The following NSD2 variants were observed in gnomAD, a reference collection of about 807,000 sequenced individuals.
NSD2 encodes the protein nuclear receptor binding SET domain protein 2.
In NSD2, 12 loss-of-function variants were observed where a neutral mutation model predicts 139.0. That is an observed-to-expected ratio of 0.09 (90% CI 0.06 to 0.14). NSD2 has a LOEUF of 0.14. NSD2 is among the 10% of genes least tolerant of loss of function. The pLI is 1.00. For missense variants in NSD2, 1,155 were observed against 1,745.0 expected, an observed-to-expected ratio of 0.66 and a Z score of 6.02; for synonymous variants, 669 against 648.7, an observed-to-expected ratio of 1.03 and a Z score of -0.48.
In NSD2 at chr4:1,879,825, TGTG is replaced by T. The variant is rs1467361421; in HGVS notation, c.-30+8284_-30+8286del. ...TTGCAGACCCTGGGCCCATGGCACT[TGTG>T]TGTGTGTGTGTGTGTGTGTGTGTGT... On this transcript the variant is annotated intron_variant, in intron 1 of 21. Transcript: ENST00000508803. Among the ~76,000 whole-genome samples the T allele has an allele frequency of 5.9e-5, 5 of 85,418 alleles. No individual in the cohort carries two copies. The East Asian group carries it at 8.5e-4, about 15-fold the overall frequency. 56.0% of individuals were successfully genotyped at this position (85,418 alleles called of 152,430 possible). A position where few individuals can be genotyped will look rare whatever the true frequency, so the allele number is the denominator to read the frequency against.
chr4:1,980,804 G>A lies in NSD2; in HGVS notation c.*1895G>A. The A allele has an allele frequency of 4.3e-6, 1 of 233,314 alleles. No homozygotes were observed. Among genetic ancestry groups the A allele is most frequent in the East Asian group, 6.0e-5 (1 of 16,592 alleles). 14.5% of individuals were successfully genotyped at this position (233,314 alleles called of 1,614,324 possible). A position where few individuals can be genotyped will look rare whatever the true frequency, so the allele number is the denominator to read the frequency against. On this transcript the variant is annotated 3_prime_UTR_variant, in exon 22 of 22. Coordinates refer to ENST00000508803, the MANE Select transcript of NSD2 (RefSeq NM_001042424.3). Reference sequence around the variant, plus strand: ...GGGCACTCGCCGGTTAAGACAGGGTGGGAGTAGTGCTTTCCAGTTCAGACT... The same window carrying A: ...GGGCACTCGCCGGTTAAGACAGGGTAGGAGTAGTGCTTTCCAGTTCAGACT...
At chr4:1,940,847 C>G (rs1338704662) in intron 9 of NSD2, 1 of 1,057,182 alleles carries the variant, frequency 9.5e-7, no homozygotes, top group East Asian at 5.2e-5. Context: ...GGTCAGGGAC[C>G]TAGGCAACCT....
chr4:1,900,602 T>G (rs1717020658), intron 1 of NSD2, 24 bp from the exon 2 acceptor site: 14 of 1,452,702 alleles, frequency 9.6e-6, no homozygotes, highest in Non-Finnish European at 1.2e-5. Context: ...TTTTCTTTCT[T>G]TTTTCTTTTT....
At chr4:1,918,019 G>A (rs1719631859) in intron 4 of NSD2, 122 bp from the exon 5 acceptor site, 1 of 1,214,192 alleles carries the variant, frequency 8.2e-7, no homozygotes, top group Admixed American at 2.7e-5. Context: ...GGCCTCAAGT[G>A]ATCCATCTGC....
intron 18 of NSD2, among the ~76,000 whole-genome samples, chr4:1,964,121 C>T (rs1279200809): frequency 6.6e-6 from 1 of 152,140 alleles, no homozygotes; most frequent in Non-Finnish European, 1.5e-5. Flanking sequence ...CCTGAGGTAA[C>T]AAGACTACAT....
chr4:1,958,919 CTG>C lies in NSD2; in HGVS notation c.2986-550_2986-549del, dbSNP rs1157537521. 6.6e-6 allele frequency among the ~76,000 whole-genome samples: 1 copy of C among 152,230 alleles called. No homozygotes were observed. The highest frequency in any genetic ancestry group is 2.4e-5 in the African/African-American group (1 of 41,454). On this transcript the variant is annotated intron_variant, in intron 16 of 21. Transcript: ENST00000508803. This position sits in a 1 kb window ranked among gnomAD's most constrained non-coding sequence, Gnocchi z 4.6. ...CATTTCTACCCCAGCTGATTTTCAG[CTG>C]TCTCTACTGCTTTGTTATTTGGTTG... is the stretch of plus-strand genomic sequence containing the variant.
rs1345015615 is a variant in NSD2 at position 1,959,479 on chromosome 4, G to A, written c.2994G>A (p.Lys998=). 12 of 1,549,328 alleles carry A rather than the reference G, an allele frequency of 7.7e-6. No individual in the cohort carries two copies. Among genetic ancestry groups the A allele is most frequent in the Non-Finnish European group, 1.0e-5 (12 of 1,150,776 alleles). Residue 998 remains lysine, a synonymous_variant, in exon 17 of 22, where the codon AAG becomes AAA. Coordinates refer to ENST00000508803, the MANE Select transcript of NSD2 (RefSeq NM_001042424.3). ...TTACTCCTTCCCTGCAGGTGAATAAGCCTTACGGGAAAGTCCAGATCTACA... is the reference window on the plus strand; with the variant it reads ...TTACTCCTTCCCTGCAGGTGAATAAACCTTACGGGAAAGTCCAGATCTACA... ...PPPYKHIKVN[K]PYGKVQIYTA...
intron 18 of NSD2, among the ~76,000 whole-genome samples, chr4:1,964,911 C>T (rs376267055): frequency 6.6e-6 from 1 of 151,904 alleles, no homozygotes; most frequent in Non-Finnish European, 1.5e-5. Flanking sequence ...TGGGTTGATC[C>T]TCTGCACAGA....
At chr4:1,945,998 A>G in intron 9 of NSD2, 2 of 1,046,786 alleles carry the variant, frequency 1.9e-6, no homozygotes, top group Non-Finnish European at 2.3e-6. Flanking sequence ...AGACCAGGTG[A>G]GAGCCCTTTT....
chr4:1,883,645 A>AG (rs1714866811), intron 1 of NSD2, among the ~76,000 whole-genome samples: 1 of 151,842 alleles, frequency 6.6e-6, no homozygotes. Flanking sequence ...AAAAAAAAAA[A>AG]AAAAGCGTAC....
chr4:1,930,431 A>AT (rs1441963474), intron 5 of NSD2, among the ~76,000 whole-genome samples, 195 bp from the exon 6 acceptor site: 2 of 152,198 alleles, frequency 1.3e-5, no homozygotes, highest in African/African-American at 4.8e-5. Flanking sequence ...ATTCTAATTT[A>AT]TGAGTTTTCA....
chr4:1,877,568 TCTTC>T (rs1480481447), intron 1 of NSD2, among the ~76,000 whole-genome samples: 5 of 152,182 alleles, frequency 3.3e-5, no homozygotes, highest in African/African-American at 9.7e-5. Context: ...ATGCTTTCCC[TCTTC>T]CTTCCTTCTG....
intron 1 of NSD2, among the ~76,000 whole-genome samples, chr4:1,871,815 C>A (rs1234561192): frequency 8.2e-6 from 1 of 122,184 alleles, no homozygotes; most frequent in Non-Finnish European, 1.7e-5. Context: ...CCGCGGAGGC[C>A]GGGACGAGTC....
chr4:1,980,404 C>G lies in NSD2; in HGVS notation c.*1495C>G, dbSNP rs1313363586. 4 of 233,042 alleles carry G rather than the reference C, an allele frequency of 1.7e-5. No homozygotes were observed. The highest frequency in any genetic ancestry group is 8.8e-5 in the African/African-American group (4 of 45,318). 14.4% of individuals were successfully genotyped at this position (233,042 alleles called of 1,614,324 possible). On this transcript the variant is annotated 3_prime_UTR_variant, in exon 22 of 22. Transcript: ENST00000508803. ...GGGAGAGAACATTCAGCAGCAGGTG[C>G]TTTTTTATGGCCTTTTCTTAAAATA... is the stretch of plus-strand genomic sequence containing the variant.
chr4:1,927,117 G>A (rs1721006190), intron 5 of NSD2, among the ~76,000 whole-genome samples: 1 of 152,190 alleles, frequency 6.6e-6, no homozygotes. Context: ...CATGCTGCTG[G>A]CAGGAGGCCT....
At chr4:1,968,184 G>A (rs889405047) in intron 18 of NSD2, among the ~76,000 whole-genome samples, 6 of 152,212 alleles carry the variant, frequency 3.9e-5, no homozygotes, top group African/African-American at 1.2e-4. Flanking sequence ...GAAATAATGA[G>A]ATATTTTAGG....
intron 2 of NSD2, among the ~76,000 whole-genome samples, chr4:1,902,174 A>G (rs1178223587): frequency 6.6e-6 from 1 of 152,228 alleles, no homozygotes; most frequent in Non-Finnish European, 1.5e-5. Context: ...TTGATTACTC[A>G]GGAGCTGTTT....
rs143388708 is a variant in NSD2, at chr4:1,951,184, A to G, written c.1994A>G (p.Lys665Arg). 50 of 1,614,046 alleles carry G rather than the reference A, an allele frequency of 3.1e-5. No individual in the cohort carries two copies. The highest frequency in any genetic ancestry group is 4.0e-5 in the Non-Finnish European group (47 of 1,180,012). Reference sequence around the variant, plus strand: ...AAGTCTGAGCGAGGAGTGACTGCCAAAAAGGAGTATGTGTGCCAGGTGAGG... The same window carrying G: ...AAGTCTGAGCGAGGAGTGACTGCCAGAAAGGAGTATGTGTGCCAGGTGAGG... ...SKKSERGVTA[K>R]KEYVCQLCEK... The change falls in exon 10 of 22, where the codon AAA (lysine) becomes AGA (arginine). Residue 665 changes from lysine to arginine, a missense_variant. Around this residue, in one of 8 missense-constraint regions of NSD2, gnomAD observed 120 missense variants for 239.3 expected, o/e 0.50. Transcript: ENST00000508803.
chr4:1,895,216 A>C (rs1022266070), intron 1 of NSD2, among the ~76,000 whole-genome samples: 1 of 152,198 alleles, frequency 6.6e-6, no homozygotes, highest in Non-Finnish European at 1.5e-5. Context: ...TGGCTACTGT[A>C]ATAGTGCTCC....
Sources: gnomAD v4.1 joint callset for allele counts (sites outside exome capture counted in the v4.1 genomes callset) on GRCh38, gnomAD v4.1.1 for gene constraint, gnomAD v4.1.1 regional missense constraint, Gnocchi (gnomAD v3.1) non-coding constraint, MANE v1.5 for transcripts, NCBI Gene and HGNC (gene_info 2026-07-23, HGNC 2026-07-21) for gene names.